The following PPARGC1A variants were observed in gnomAD, a reference collection of about 807,000 sequenced individuals.
The protein encoded by PPARGC1A is PPARG coactivator 1 alpha.
In PPARGC1A, 25 loss-of-function variants were observed where a neutral mutation model predicts 88.7. The observed-to-expected ratio is 0.28, with a 90% confidence interval of 0.21 to 0.39. The LOEUF (loss-of-function observed/expected upper bound fraction) is 0.39. Among genes scored for constraint, PPARGC1A ranks in the 10% least tolerant of loss-of-function variants. The pLI is 1.00. For synonymous variants in PPARGC1A, 363 were observed against 355.6 expected, an observed-to-expected ratio of 1.02 and a Z score of -0.24; for missense variants, 880 against 968.7, an observed-to-expected ratio of 0.91 and a Z score of 1.22.
At chr4:24,227,503 A>G in the PPARGC1A span, among the ~76,000 whole-genome samples, 1 of 152,272 alleles carries the variant, frequency 6.6e-6, no homozygotes, top group East Asian at 1.9e-4. Flanking sequence ...TGATATCAAC[A>G]GAGAGCAGGT....
chr4:24,311,982 C>T, the PPARGC1A span, among the ~76,000 whole-genome samples: 2 of 152,316 alleles, frequency 1.3e-5, no homozygotes, highest in East Asian at 3.9e-4. Context: ...TTTCCAAGGA[C>T]CTTCCACAAT....
chr4:24,070,420 T>C, the PPARGC1A span, among the ~76,000 whole-genome samples: 1 of 152,174 alleles, frequency 6.6e-6, no homozygotes, highest in South Asian at 2.1e-4. Flanking sequence ...TAAAGAACCA[T>C]CTTTGTCTCA....
the PPARGC1A span, among the ~76,000 whole-genome samples, chr4:24,356,471 T>G: frequency 1.3e-5 from 2 of 152,202 alleles, no homozygotes; most frequent in Non-Finnish European, 2.9e-5. Context: ...AATTACAGGC[T>G]GTATACTCAA....
the PPARGC1A span, among the ~76,000 whole-genome samples, chr4:24,180,208 T>C: frequency 6.6e-6 from 1 of 152,206 alleles, no homozygotes; most frequent in Non-Finnish European, 1.5e-5. Context: ...CTCCAAATCG[T>C]ATTCATTTAC....
the PPARGC1A span, among the ~76,000 whole-genome samples, chr4:23,910,371 T>TATATTATATATATTATATATATTATA: frequency 4.1e-5 from 4 of 97,548 alleles, no homozygotes; most frequent in Non-Finnish European, 7.5e-5. Context: ...ATATATTATA[T>TATATTATATATATTATATATATTATA]TATATTATAT....
the PPARGC1A span, among the ~76,000 whole-genome samples, chr4:24,062,116 A>G: frequency 6.6e-6 from 1 of 152,182 alleles, no homozygotes; most frequent in African/African-American, 2.4e-5. Context: ...ATCCTAAGAC[A>G]TTATTTTGAC....
the PPARGC1A span, among the ~76,000 whole-genome samples, chr4:24,189,702 G>A: frequency 6.6e-6 from 1 of 152,132 alleles, no homozygotes; most frequent in South Asian, 2.1e-4. Flanking sequence ...CTTGAGAAGA[G>A]AGGCCACCTT....
At chr4:23,798,180 AG>A (rs1717986841) in intron 12 of PPARGC1A, among the ~76,000 whole-genome samples, 7 of 152,024 alleles carry the variant, frequency 4.6e-5, no homozygotes, top group Admixed American at 4.6e-4. Context: ...GCCTGCACCC[AG>A]GTGAAATAAA....
At chr4:24,158,523 T>C in the PPARGC1A span, among the ~76,000 whole-genome samples, 215 of 152,308 alleles carry the variant, frequency 1.4e-3, no homozygotes, top group Non-Finnish European at 2.3e-3. Context: ...CACATTGCAC[T>C]GGTGAGCTTT....
chr4:24,429,381 G>A, the PPARGC1A span, among the ~76,000 whole-genome samples: 488 of 152,110 alleles, frequency 3.2e-3, 2 homozygotes, highest in Middle Eastern at 0.02. Context: ...GGTCTCCTGC[G>A]TCACCCCCTA....
the PPARGC1A span, among the ~76,000 whole-genome samples, chr4:24,082,893 T>C: frequency 6.6e-6 from 1 of 152,136 alleles, no homozygotes; most frequent in African/African-American, 2.4e-5. Flanking sequence ...AAGGCAAAGA[T>C]ACCACAGAGA....
At chr4:24,278,100 G>A in the PPARGC1A span, among the ~76,000 whole-genome samples, 4 of 151,998 alleles carry the variant, frequency 2.6e-5, no homozygotes, top group East Asian at 1.9e-4. Flanking sequence ...CCAGGAGTTC[G>A]AAGCTGCCAT....
the PPARGC1A span, among the ~76,000 whole-genome samples, chr4:23,918,814 T>C: frequency 6.6e-6 from 1 of 152,036 alleles, no homozygotes; most frequent in African/African-American, 2.4e-5. Flanking sequence ...TCTGGAAAAG[T>C]ACTGCAATTA....
chr4:24,364,552 G>C, the PPARGC1A span, among the ~76,000 whole-genome samples: 12 of 151,984 alleles, frequency 7.9e-5, no homozygotes, highest in Non-Finnish European at 1.6e-4. Context: ...CCTCAGGTTA[G>C]TAATAGCCAA....
chr4:24,173,081 T>C, the PPARGC1A span, among the ~76,000 whole-genome samples: 1 of 152,184 alleles, frequency 6.6e-6, no homozygotes, highest in Non-Finnish European at 1.5e-5. Context: ...CAGGTTGTGA[T>C]GCTTTCCAAA....
chr4:24,324,580 C>A, the PPARGC1A span, among the ~76,000 whole-genome samples: 3 of 152,168 alleles, frequency 2.0e-5, no homozygotes, highest in Non-Finnish European at 4.4e-5. Context: ...AACCTAAATG[C>A]CTTATTTTCT....
the PPARGC1A span, among the ~76,000 whole-genome samples, chr4:24,171,270 G>A: frequency 2.0e-5 from 3 of 152,046 alleles, no homozygotes; most frequent in Non-Finnish European, 4.4e-5. Flanking sequence ...GCTGGGCATG[G>A]TGGTGCGTAC....
the PPARGC1A span, among the ~76,000 whole-genome samples, chr4:24,254,716 C>T: frequency 6.9e-4 from 105 of 152,326 alleles, no homozygotes; most frequent in Non-Finnish European, 1.1e-3. Flanking sequence ...TGCTTTTCAA[C>T]ATCAGCAAGC....
the PPARGC1A span, among the ~76,000 whole-genome samples, chr4:24,392,720 A>G: frequency 6.6e-6 from 1 of 152,130 alleles, no homozygotes; most frequent in Non-Finnish European, 1.5e-5. Flanking sequence ...CTGGAAGACA[A>G]CATGGGTAGC....
Sources: allele counts gnomAD v4.1 joint callset (sites outside exome capture counted in the v4.1 genomes callset), GRCh38; gene constraint gnomAD v4.1.1; transcripts MANE v1.5; gene names NCBI Gene and HGNC (gene_info 2026-07-23, HGNC 2026-07-21).